The following SCAPER variants were observed in gnomAD, a reference collection of about 807,000 sequenced individuals.
SCAPER encodes S-phase cyclin A associated protein in the ER.
SCAPER carries 98 observed loss-of-function variants against 182.2 expected under a neutral mutation model. That is an observed-to-expected ratio of 0.54 (90% CI 0.46 to 0.64). SCAPER has a LOEUF of 0.64. Among genes scored for constraint, SCAPER ranks in the 30% least tolerant of loss-of-function variants. The pLI, the probability that SCAPER is intolerant of heterozygous loss-of-function variation, is 0.00. For synonymous variants in SCAPER, 605 were observed against 564.6 expected (o/e 1.07, Z -1.01); for missense variants, 1,432 against 1,690.0 (o/e 0.85, Z 2.68).
At chr15:76,443,837 A>T (rs1380534148) in intron 25 of SCAPER, among the ~76,000 whole-genome samples, 1 of 152,238 alleles carries the variant, frequency 6.6e-6, no homozygotes, top group South Asian at 2.1e-4. Context: ...GCAATAGGAC[A>T]TGGCTTTACC....
intron 24 of SCAPER, among the ~76,000 whole-genome samples, chr15:76,500,956 T>C (rs2041059494): frequency 6.6e-6 from 1 of 151,160 alleles, no homozygotes; most frequent in African/African-American, 2.4e-5. Context: ...GGCACGTGAA[T>C]CGCTTGAACC....
At chr15:76,712,351 T>C (rs2059634350) in intron 17 of SCAPER, among the ~76,000 whole-genome samples, 1 of 152,180 alleles carries the variant, frequency 6.6e-6, no homozygotes. Flanking sequence ...CCTTGTAGTA[T>C]AGTTTGAAGT....
At chr15:76,530,801 AAGAG>A (rs1206870823) in intron 23 of SCAPER, among the ~76,000 whole-genome samples, 1 of 152,284 alleles carries the variant, frequency 6.6e-6, no homozygotes, top group Non-Finnish European at 1.5e-5. Flanking sequence ...AAAGGAAAGG[AAGAG>A]AGAGACAGAG....
In SCAPER at chr15:76,593,086, T is replaced by C. The variant is rs368437868; in HGVS notation, c.2712-18802A>G. Among the ~76,000 whole-genome samples the C allele has an allele frequency of 9.0e-5, 11 of 121,748 alleles. No homozygotes were observed. In the East Asian group the frequency reaches 1.1e-3, roughly 12 times the overall value. 79.9% of individuals were successfully genotyped at this position (121,748 alleles called of 152,430 possible). ...ATATCCACTGGCTTGAAATTCTTGC[T>C]GCCAGCACAGCAGTCTGAAGTCGAC... On this transcript the variant is annotated intron_variant, in intron 22 of 31. Transcript: ENST00000563290.
chr15:76,765,451 C>G lies in SCAPER; in HGVS notation c.1499G>C (p.Arg500Pro). Reference sequence around the variant, plus strand: ...GGATGTATTTTGGCGCCAAGACTCACGAGCTGTTCAGAAAAAAATACTATT... The same window carrying G: ...GGATGTATTTTGGCGCCAAGACTCAGGAGCTGTTCAGAAAAAAATACTATT... Reference protein sequence around the residue: ...WNDVLADYEARESWRQNTSWG... With the variant: ...WNDVLADYEAPESWRQNTSWG... Residue 500 changes from arginine (R) to proline (P), a missense_variant, in exon 13 of 32, where the codon CGT becomes CCT. Arg to Pro is a moderately radical substitution (Grantham distance 103). Coordinates refer to ENST00000563290, the MANE Select transcript of SCAPER (RefSeq NM_020843.4). The G allele has an allele frequency of 6.2e-7, 1 of 1,613,522 alleles. No individual in the cohort carries two copies. Among genetic ancestry groups the G allele is most frequent in the East Asian group, 2.2e-5 (1 of 44,870 alleles).
At chr15:76,827,145 C>T (rs1040424305) in intron 5 of SCAPER, among the ~76,000 whole-genome samples, 8 of 152,116 alleles carry the variant, frequency 5.3e-5, no homozygotes, top group Admixed American at 2.6e-4. Context: ...AACAAATGTC[C>T]ACTTCCCAAC....
rs1189128492 is a variant in SCAPER, at chr15:76,600,915, C to T, written c.2711+20849G>A. Reference sequence around the variant, plus strand: ...AAAACAAAACAGAAAACAAAAAGATCGAATCTATACATTTTAAAGCAATTT... The same window carrying T: ...AAAACAAAACAGAAAACAAAAAGATTGAATCTATACATTTTAAAGCAATTT... On this transcript the variant is annotated intron_variant, in intron 22 of 31. Coordinates refer to ENST00000563290, the MANE Select transcript of SCAPER (RefSeq NM_020843.4). Among the ~76,000 whole-genome samples, 6 of 120,264 alleles carry T rather than the reference C, an allele frequency of 5.0e-5. 2 individuals are homozygous for T. The East Asian group carries it at 1.3e-3, about 27-fold the overall frequency. 78.9% of individuals were successfully genotyped at this position (120,264 alleles called of 152,430 possible).
intron 21 of SCAPER, among the ~76,000 whole-genome samples, chr15:76,643,635 CTG>C (rs1555515155): frequency 6.6e-6 from 1 of 152,168 alleles, no homozygotes; most frequent in Non-Finnish European, 1.5e-5. Flanking sequence ...TGAGCTGAGA[CTG>C]TGCCACTGCA....
chr15:76,877,207 T>TAA (rs199911700), intron 2 of SCAPER, among the ~76,000 whole-genome samples: 3 of 133,296 alleles, frequency 2.3e-5, no homozygotes, highest in Non-Finnish European at 4.9e-5. Flanking sequence ...ACCCTGTCTT[T>TAA]AAAAAAAAAA....
intron 23 of SCAPER, among the ~76,000 whole-genome samples, chr15:76,512,573 A>G (rs967724443): frequency 1.2e-4 from 18 of 152,028 alleles, no homozygotes; most frequent in African/African-American, 4.3e-4. Context: ...CAATGGGAGG[A>G]AACTGGGTCA....
rs999438252 is a variant in SCAPER at position 76,429,754 on chromosome 15, C to T, written c.3311+4324G>A. 2.0e-5 allele frequency among the ~76,000 whole-genome samples: 3 copies of T among 152,120 alleles called. No homozygotes were observed. The South Asian group carries it at 6.2e-4, about 31-fold the overall frequency. ...AAAGTTTGGAAAATTTGCAGCCTGACTACGCGATAGAAAAGAAAATCCCAT... is the reference window on the plus strand; with the variant it reads ...AAAGTTTGGAAAATTTGCAGCCTGATTACGCGATAGAAAAGAAAATCCCAT... On this transcript the variant is annotated intron_variant, in intron 26 of 31. Transcript: ENST00000563290.
At position 76,600,451 on chromosome 15, in the gene SCAPER, A is replaced by T. The variant is rs566366090; in HGVS notation, c.2711+21313T>A. Among the ~76,000 whole-genome samples the T allele has an allele frequency of 2.3e-4, 6 of 25,758 alleles. 1 individual carries two copies. The highest frequency in any genetic ancestry group is 3.8e-4 in the African/African-American group (6 of 15,984). 16.9% of individuals were successfully genotyped at this position (25,758 alleles called of 152,430 possible). A position where few individuals can be genotyped will look rare whatever the true frequency, so the allele number is the denominator to read the frequency against. On this transcript the variant is annotated intron_variant, in intron 22 of 31. Coordinates refer to ENST00000563290, the MANE Select transcript of SCAPER (RefSeq NM_020843.4). ...TGTGTATACATATACATATATATATATATTTTTTTTTTTTTGAGATGAAGT... is the reference window on the plus strand; with the variant it reads ...TGTGTATACATATACATATATATATTTATTTTTTTTTTTTTGAGATGAAGT...
intron 24 of SCAPER, among the ~76,000 whole-genome samples, chr15:76,492,558 A>G (rs1174313751): frequency 1.3e-5 from 2 of 152,202 alleles, no homozygotes; most frequent in African/African-American, 4.8e-5. Flanking sequence ...TTGAGATGAA[A>G]AACATATTTG....
chr15:76,684,302 A>G (rs139820554), intron 20 of SCAPER, among the ~76,000 whole-genome samples: 1 of 152,326 alleles, frequency 6.6e-6, no homozygotes, highest in African/African-American at 2.4e-5. Context: ...ATTACATGCT[A>G]TCTTCAAGAC....
chr15:76,875,221 C>T (rs572761813), intron 2 of SCAPER, among the ~76,000 whole-genome samples: 8 of 152,050 alleles, frequency 5.3e-5, no homozygotes, highest in Admixed American at 2.0e-4. Flanking sequence ...GAAGAAAAAA[C>T]ACATTTTATG....
rs777590643 is a variant in SCAPER, at chr15:76,495,987, GAGAGAGACACACACACAC to G, written c.2954+8854_2954+8871del. On this transcript the variant is annotated intron_variant, in intron 24 of 31. Transcript: ENST00000563290. Reference sequence around the variant, plus strand: ...AGGGAGAAAGAGAAAGAAAGCAAAAGAGAGAGACACACACACACACACACACACACACACACACACACA... The same window carrying G: ...AGGGAGAAAGAGAAAGAAAGCAAAAGACACACACACACACACACACACACA... 9.5e-4 allele frequency among the ~76,000 whole-genome samples: 16 copies of G among 16,862 alleles called. No individual in the cohort carries two copies. The South Asian group carries it at 0.015, about 16-fold the overall frequency. 11.1% of individuals were successfully genotyped at this position (16,862 alleles called of 152,430 possible). A position where few individuals can be genotyped will look rare whatever the true frequency, so the allele number is the denominator to read the frequency against.
At position 76,584,521 on chromosome 15, in the gene SCAPER, C is replaced by T. The variant is rs956773666; in HGVS notation, c.2712-10237G>A. ...ACCTGTATCAAAATATATCATGTAC[C>T]CATAAACATATACACCTACTGTGTG... is the stretch of plus-strand genomic sequence containing the variant. On this transcript the variant is annotated intron_variant, in intron 22 of 31. Transcript: ENST00000563290. 5.3e-5 allele frequency among the ~76,000 whole-genome samples: 8 copies of T among 151,328 alleles called. 1 individual carries two copies. Among genetic ancestry groups the T allele is most frequent in the African/African-American group, 2.0e-4 (8 of 40,846 alleles).
chr15:76,479,390 A>G (rs1400400538), intron 24 of SCAPER, among the ~76,000 whole-genome samples: 2 of 152,204 alleles, frequency 1.3e-5, no homozygotes, highest in Non-Finnish European at 2.9e-5. Context: ...AGATTTTCAA[A>G]GTATCTTTTG....
chr15:76,791,387 GAA>G (rs2151450655), intron 8 of SCAPER, among the ~76,000 whole-genome samples: 1 of 152,296 alleles, frequency 6.6e-6, no homozygotes, highest in Non-Finnish European at 1.5e-5. Context: ...CAATTCCTGA[GAA>G]GAGAGAAGGA....
Sources: gnomAD v4.1 joint callset for allele counts (sites outside exome capture counted in the v4.1 genomes callset) on GRCh38, gnomAD v4.1.1 for gene constraint, MANE v1.5 for transcripts, NCBI Gene and HGNC (gene_info 2026-07-23, HGNC 2026-07-21) for gene names.